Variants in TEAD1 observed in about 807,000 individuals in gnomAD.
TEAD1 encodes the protein transcriptional enhancer factor TEF-1.
Under a neutral mutation model 54.9 loss-of-function variants are expected in TEAD1, and 9 were observed. The observed-to-expected ratio is 0.16, with a 90% CI of 0.10 to 0.29. The LOEUF (loss-of-function observed/expected upper bound fraction) is 0.29, where lower values mean the gene tolerates loss of function less well. Ranked by LOEUF, TEAD1 falls within the 10% of genes least tolerant of loss-of-function variation. TEAD1 has a pLI of 1.00. For synonymous variants in TEAD1, 200 were observed against 187.8 expected, an observed-to-expected ratio of 1.07 and a Z score of -0.53; for missense variants, 387 against 535.9, an observed-to-expected ratio of 0.72 and a Z score of 2.74.
chr11:12,700,667 G>A (rs1590064528), intron 2 of TEAD1, among the ~76,000 whole-genome samples: 1 of 152,012 alleles, frequency 6.6e-6, no homozygotes, highest in Admixed American at 6.6e-5. Context: ...TTCCCTCACC[G>A]TGGTATGAGA....
chr11:12,811,046 T>C (rs1265268114), intron 3 of TEAD1, among the ~76,000 whole-genome samples: 1 of 152,172 alleles, frequency 6.6e-6, no homozygotes, highest in Non-Finnish European at 1.5e-5. Context: ...ATGATTCAGG[T>C]GGGATGACGT....
rs1564952094 is a variant in TEAD1, at chr11:12,821,952, TC to T, written c.203-40297del. Among the ~76,000 whole-genome samples, 68 of 123,324 alleles carry T rather than the reference TC, an allele frequency of 5.5e-4. 1 individual carries two copies. The highest frequency in any genetic ancestry group is 5.4e-3 in the East Asian group (21 of 3,858). The allele number at this position is 123,324 out of a possible 152,430, so 80.9% of individuals were successfully genotyped here. ...CTTTTCCTATACTCTCTCTCCTTTT[TC>T]TCTTTTCCTTTTTTTTTTTTTTTTT... On this transcript the variant is annotated intron_variant, in intron 3 of 12. Coordinates refer to ENST00000527636, the MANE Select transcript of TEAD1 (RefSeq NM_021961.6).
intron 9 of TEAD1, among the ~76,000 whole-genome samples, chr11:12,893,202 G>A (rs1039921214): frequency 3.3e-5 from 5 of 152,176 alleles, no homozygotes; most frequent in Admixed American, 1.3e-4. Flanking sequence ...CTGATCTAAC[G>A]GTTGGCTCTG....
At chr11:12,688,704 T>C (rs1943387215) in intron 2 of TEAD1, among the ~76,000 whole-genome samples, 1 of 152,234 alleles carries the variant, frequency 6.6e-6, no homozygotes, top group Admixed American at 6.5e-5. Flanking sequence ...TAACTCTATC[T>C]CGGCTTCTTG....
rs542355694 is a variant in TEAD1, at chr11:12,901,641, A to G, written c.700-299A>G. ...GGGTCAGGTGAAATTGGGTAATACA[A>G]TTGTTTCTTGGTTTGGTAGCTGGGT... On this transcript the variant is annotated intron_variant, in intron 9 of 12. Coordinates refer to ENST00000527636, the MANE Select transcript of TEAD1 (RefSeq NM_021961.6). Among the ~76,000 whole-genome samples the G allele has an allele frequency of 4.6e-5, 7 of 152,264 alleles. No homozygotes were observed. In the East Asian group the frequency reaches 7.7e-4, roughly 17 times the overall value.
chr11:12,816,441 G>A (rs1488432873), intron 3 of TEAD1, among the ~76,000 whole-genome samples: 4 of 152,184 alleles, frequency 2.6e-5, no homozygotes, highest in African/African-American at 9.7e-5. Context: ...GGGGATTTCA[G>A]GGTAGGTTCA....
chr11:12,836,228 G>A (rs1186857355), intron 3 of TEAD1, among the ~76,000 whole-genome samples: 3 of 152,018 alleles, frequency 2.0e-5, no homozygotes, highest in Admixed American at 6.5e-5. Flanking sequence ...AGACCATCCC[G>A]GCTAACACGG....
intron 11 of TEAD1, among the ~76,000 whole-genome samples, chr11:12,928,239 C>T (rs1285288292): frequency 1.3e-5 from 2 of 151,240 alleles, no homozygotes; most frequent in African/African-American, 4.9e-5. Flanking sequence ...AGAATTTTCA[C>T]ATTACATTTC....
chr11:12,905,292 A>C (rs1235055915), intron 10 of TEAD1, among the ~76,000 whole-genome samples: 2 of 152,216 alleles, frequency 1.3e-5, no homozygotes, highest in Non-Finnish European at 2.9e-5. Flanking sequence ...TCCTCAAATA[A>C]CAAAGTCTAG....
chr11:12,750,256 C>T (rs1411938460), intron 2 of TEAD1, among the ~76,000 whole-genome samples: 1 of 152,108 alleles, frequency 6.6e-6, no homozygotes, highest in Non-Finnish European at 1.5e-5. Flanking sequence ...CAGCTCACAG[C>T]CTCTCTTTAG....
intron 2 of TEAD1, among the ~76,000 whole-genome samples, chr11:12,682,972 G>A (rs770501806): frequency 2.6e-5 from 4 of 152,040 alleles, no homozygotes; most frequent in Non-Finnish European, 5.9e-5. Context: ...TGTTGCATGC[G>A]CTCACCAAAG....
intron 3 of TEAD1, among the ~76,000 whole-genome samples, chr11:12,840,218 G>C (rs777466888): frequency 4.4e-4 from 60 of 137,482 alleles, no homozygotes; most frequent in Middle Eastern, 4.3e-3. Context: ...CTGCACTCCA[G>C]CCTGGGCGAC....
chr11:12,850,035 G>A (rs955110657), intron 3 of TEAD1, among the ~76,000 whole-genome samples: 7 of 152,234 alleles, frequency 4.6e-5, no homozygotes, highest in African/African-American at 1.7e-4. Flanking sequence ...CAGATGCCAT[G>A]TAGTACGGTG....
intron 3 of TEAD1, among the ~76,000 whole-genome samples, chr11:12,819,454 T>C: frequency 6.6e-6 from 1 of 152,088 alleles, no homozygotes; most frequent in Non-Finnish European, 1.5e-5. Context: ...ACAAAGTTTT[T>C]TGTTTTTTGT....
chr11:12,904,410 C>T (rs916771722), intron 10 of TEAD1, among the ~76,000 whole-genome samples: 3 of 152,072 alleles, frequency 2.0e-5, no homozygotes, highest in African/African-American at 7.2e-5. Flanking sequence ...ATGAGATCCA[C>T]GATGATATTG....
Position 12,674,616 on chromosome 11 carries a change from A to G in TEAD1, c.-426A>G. ...GGCCGCGTCCAGGCACAGGCCATGCAGTGACGCCCCCCCACCCCTCCACCT... is the reference window on the plus strand; with the variant it reads ...GGCCGCGTCCAGGCACAGGCCATGCGGTGACGCCCCCCCACCCCTCCACCT... On this transcript the variant is annotated 5_prime_UTR_variant, in exon 1 of 13. Transcript: ENST00000527636. 1 of 150,888 alleles carries G rather than the reference A, an allele frequency of 6.6e-6. No homozygotes were observed. Among genetic ancestry groups the G allele is most frequent in the Non-Finnish European group, 1.5e-5 (1 of 67,970 alleles). The allele number at this position is 150,888 out of a possible 1,614,324, so 9.3% of individuals were successfully genotyped here.
intron 3 of TEAD1, among the ~76,000 whole-genome samples, chr11:12,783,133 T>TGTGTGTGTGTGTGTGTGCGTGC (rs1198828193): frequency 1.0e-4 from 15 of 145,496 alleles, no homozygotes; most frequent in African/African-American, 4.1e-4. Context: ...TGTGTGTGTG[T>TGTGTGTGTGTGTGTGTGCGTGC]GCGCGCACTT....
intron 3 of TEAD1, among the ~76,000 whole-genome samples, chr11:12,776,868 C>T (rs937252424): frequency 2.6e-5 from 4 of 151,164 alleles, no homozygotes; most frequent in East Asian, 3.9e-4. Flanking sequence ...GGCACCATCT[C>T]ACTGCAACCT....
At chr11:12,779,357 T>C (rs1945498151) in intron 3 of TEAD1, among the ~76,000 whole-genome samples, 1 of 152,182 alleles carries the variant, frequency 6.6e-6, no homozygotes, top group Non-Finnish European at 1.5e-5. Context: ...TATTAGCCTA[T>C]GGGAGTAAGT....
Sources: gnomAD v4.1 joint callset for allele counts (sites outside exome capture counted in the v4.1 genomes callset) on GRCh38, gnomAD v4.1.1 for gene constraint, MANE v1.5 for transcripts, NCBI Gene and HGNC (gene_info 2026-07-23, HGNC 2026-07-21) for gene names.